The following GFPT1 variants were observed in gnomAD, a reference collection of about 807,000 sequenced individuals.
GFPT1 encodes glutamine--fructose-6-phosphate transaminase 1.
Under a neutral mutation model 92.0 loss-of-function variants are expected in GFPT1, and 40 were observed. That is an observed-to-expected ratio of 0.43 (90% CI 0.34 to 0.57). The LOEUF (loss-of-function observed/expected upper bound fraction) is 0.57. GFPT1 is among the 20% of genes least tolerant of loss of function. The pLI is 0.02. For missense variants in GFPT1, 448 were observed against 869.1 expected (o/e 0.52, Z 6.09); for synonymous variants, 269 against 280.6 (o/e 0.96, Z 0.41).
chr2:69,341,960 C>T (rs557573012), intron 13 of GFPT1, among the ~76,000 whole-genome samples, 192 bp downstream of exon 13: 1 of 152,278 alleles, frequency 6.6e-6, no homozygotes, highest in East Asian at 1.9e-4. Context: ...GGGACCTTTT[C>T]TACAGATCTT....
At chr2:69,335,652 G>C in intron 15 of GFPT1, among the ~76,000 whole-genome samples, 1 of 152,122 alleles carries the variant, frequency 6.6e-6, no homozygotes, top group South Asian at 2.1e-4. Context: ...CATGTAACAC[G>C]TTTTAATTAC....
rs1465842124 is a variant in GFPT1, at chr2:69,323,483, G to C, written c.*2706C>G. ...AATGGGATAGAGAGTAAGAAGACAGGAGAGAGAGGAGAAACCATGTTTTTT... is the reference window on the plus strand; with the variant it reads ...AATGGGATAGAGAGTAAGAAGACAGCAGAGAGAGGAGAAACCATGTTTTTT... On this transcript the variant is annotated 3_prime_UTR_variant, in exon 20 of 20. Transcript: ENST00000357308. The C allele has an allele frequency of 6.6e-6, 1 of 152,038 alleles. No individual in the cohort carries two copies. Among genetic ancestry groups the C allele is most frequent in the African/African-American group, 2.4e-5 (1 of 41,392 alleles). The allele number at this position is 152,038 out of a possible 1,614,324, so 9.4% of individuals were successfully genotyped here.
intron 11 of GFPT1, among the ~76,000 whole-genome samples, chr2:69,347,501 G>C (rs1420277035): frequency 6.9e-6 from 1 of 144,994 alleles, no homozygotes; most frequent in African/African-American, 2.6e-5. Flanking sequence ...TTTTGAGACA[G>C]AGTTTTGCTC....
chr2:69,352,816 TG>T (rs750604645), intron 9 of GFPT1, among the ~76,000 whole-genome samples: 1 of 148,726 alleles, frequency 6.7e-6, no homozygotes, highest in Non-Finnish European at 1.5e-5. Context: ...GAGGCCGAGG[TG>T]GGCGGATCAC....
chr2:69,335,509 C>A (rs1670773196), intron 15 of GFPT1, among the ~76,000 whole-genome samples: 1 of 152,216 alleles, frequency 6.6e-6, no homozygotes, highest in Admixed American at 6.5e-5. Flanking sequence ...ACATACACCA[C>A]GTTGTAGCCC....
At chr2:69,356,430 T>C in intron 7 of GFPT1, 66 bp downstream of exon 7, 1 of 1,085,072 alleles carries the variant, frequency 9.2e-7, no homozygotes, top group East Asian at 2.4e-5. Flanking sequence ...ATGTATAGTC[T>C]ACGAAGAATA....
chr2:69,328,094 C>CAAA (rs1175703265), intron 18 of GFPT1, among the ~76,000 whole-genome samples, 177 bp downstream of exon 18: 5 of 82,782 alleles, frequency 6.0e-5, no homozygotes, highest in Non-Finnish European at 9.5e-5. Flanking sequence ...GACTCCATCT[C>CAAA]AAAAAAAAAA....
chr2:69,369,883 G>A (rs969457468), intron 3 of GFPT1, 118 bp downstream of exon 3: 4 of 740,460 alleles, frequency 5.4e-6, no homozygotes, highest in Non-Finnish European at 7.4e-6. Flanking sequence ...CAATGTTACA[G>A]ACCATTATCA....
At chr2:69,378,572 A>T (rs1671935354) in intron 1 of GFPT1, among the ~76,000 whole-genome samples, 1 of 152,246 alleles carries the variant, frequency 6.6e-6, no homozygotes, top group South Asian at 2.1e-4. Context: ...ATGACAAAAA[A>T]GCAATTATGA....
chr2:69,323,143 C>G lies in GFPT1; in HGVS notation c.*3046G>C, dbSNP rs1178402950. On this transcript the variant is annotated 3_prime_UTR_variant, in exon 20 of 20. Transcript: ENST00000357308. ...ATGGCACAGAATTTATTTTAAAAGA[C>G]TGAAAAACTGATTCCAATGTAATAA... 6.6e-6 allele frequency: 1 copy of G among 152,166 alleles called. No homozygotes were observed. The highest frequency in any genetic ancestry group is 1.5e-5 in the Non-Finnish European group (1 of 68,026). The allele number at this position is 152,166 out of a possible 1,614,324, so 9.4% of individuals were successfully genotyped here.
intron 15 of GFPT1, among the ~76,000 whole-genome samples, chr2:69,333,517 G>A (rs539308514): frequency 3.2e-4 from 49 of 152,234 alleles, no homozygotes; most frequent in Non-Finnish European, 4.9e-4. Flanking sequence ...AGAATCTACC[G>A]AGGTTTGAAA....
At chr2:69,328,116 CTCTTAAGTA>C (rs1349575206) in intron 18 of GFPT1, among the ~76,000 whole-genome samples, 146 bp downstream of exon 18, 2 of 139,796 alleles carry the variant, frequency 1.4e-5, no homozygotes, top group African/African-American at 5.3e-5. Context: ...AAAAAAAAAA[CTCTTAAGTA>C]TCTGATTCCT....
At position 69,329,325 on chromosome 2, in the gene GFPT1, T is replaced by C. The variant is rs1318579111; in HGVS notation, c.1697A>G (p.His566Arg). The change falls in exon 17 of 20, where the codon CAT becomes CGT. Residue 566 changes from histidine (H) to arginine (R), a missense_variant. His to Arg is a conservative substitution (Grantham distance 29). Coordinates refer to ENST00000357308, the MANE Select transcript of GFPT1 (RefSeq NM_001244710.2). ...KSVLIMGRGY[H>R]YATCLEGALK... ...TGCCCCTTCAAGACAAGTAGCATAATGATAGCCTCGTCCCATTATCAGAAC... is the reference window on the plus strand; with the variant it reads ...TGCCCCTTCAAGACAAGTAGCATAACGATAGCCTCGTCCCATTATCAGAAC... The C allele has an allele frequency of 6.2e-7, 1 of 1,613,878 alleles. No individual in the cohort carries two copies. The highest frequency in any genetic ancestry group is 1.7e-5 in the Admixed American group (1 of 60,022).
chr2:69,356,292 C>T (rs1671336373), intron 7 of GFPT1, among the ~76,000 whole-genome samples: 1 of 152,180 alleles, frequency 6.6e-6, no homozygotes, highest in East Asian at 1.9e-4. Context: ...CAGCGCCCGG[C>T]CTGTATTTGC....
rs567585885 is a variant in GFPT1 at position 69,330,747 on chromosome 2, A to T, written c.1483-949T>A. ...TTTTCTTTACACAGTTAAGAAAATTAATTAGCAGGTACAATTTTATAACTT... is the reference window on the plus strand; with the variant it reads ...TTTTCTTTACACAGTTAAGAAAATTTATTAGCAGGTACAATTTTATAACTT... On this transcript the variant is annotated intron_variant, in intron 15 of 19. Transcript: ENST00000357308. Among the ~76,000 whole-genome samples, 30 of 152,274 alleles carry T rather than the reference A, an allele frequency of 2.0e-4. No individual in the cohort carries two copies. In the South Asian group the frequency reaches 6.2e-3, roughly 32 times the overall value.
At chr2:69,346,211 A>C (rs1489572744) in intron 11 of GFPT1, among the ~76,000 whole-genome samples, 2 of 151,934 alleles carry the variant, frequency 1.3e-5, no homozygotes. Flanking sequence ...TTCATACTTG[A>C]AATGTGCAGT....
intron 13 of GFPT1, among the ~76,000 whole-genome samples, chr2:69,339,980 T>C (rs1670899170): frequency 6.6e-6 from 1 of 151,980 alleles, no homozygotes; most frequent in African/African-American, 2.4e-5. Flanking sequence ...AATATAAATG[T>C]TACATTGGAA....
Position 69,325,284 on chromosome 2 carries a change from T to C in GFPT1, c.*905A>G, listed in dbSNP as rs1439366641. ...GAAGAGAATACTGAATATATCAATA[T>C]TAATTTAATAGCAGCTCTGTGTTGT... On this transcript the variant is annotated 3_prime_UTR_variant, in exon 20 of 20. Transcript: ENST00000357308. 1.3e-5 allele frequency: 2 copies of C among 152,144 alleles called. No individual in the cohort carries two copies. Among genetic ancestry groups the C allele is most frequent in the Non-Finnish European group, 1.5e-5 (1 of 68,008 alleles). 9.4% of individuals were successfully genotyped at this position (152,144 alleles called of 1,614,324 possible). A position where few individuals can be genotyped will look rare whatever the true frequency, so the allele number is the denominator to read the frequency against.
chr2:69,354,912 G>A (rs1045299899), intron 7 of GFPT1, among the ~76,000 whole-genome samples: 1 of 152,074 alleles, frequency 6.6e-6, no homozygotes, highest in African/African-American at 2.4e-5. Context: ...GCTGAGTTAG[G>A]AGGATTGCCT....
Sources: allele counts gnomAD v4.1 joint callset (sites outside exome capture counted in the v4.1 genomes callset), GRCh38; gene constraint gnomAD v4.1.1; transcripts MANE v1.5; gene names NCBI Gene and HGNC (gene_info 2026-07-23, HGNC 2026-07-21).